Variants in CHTOP observed in about 807,000 individuals in gnomAD.
The protein encoded by CHTOP is chromatin target of PRMT1, also known as chromatin target of PRMT1 protein.
In CHTOP, 18 loss-of-function variants were observed where a neutral mutation model predicts 33.6. That is an observed-to-expected ratio of 0.54 (90% CI 0.37 to 0.80). The LOEUF is 0.80. Ranked by LOEUF, CHTOP falls within the 30% of genes least tolerant of loss-of-function variation. CHTOP has a pLI of 0.00. For missense variants in CHTOP, 263 were observed against 336.8 expected, an observed-to-expected ratio of 0.78 and a Z score of 1.71; for synonymous variants, 117 against 127.7, an observed-to-expected ratio of 0.92 and a Z score of 0.56.
rs541090488 is a variant in CHTOP at position 153,645,300 on chromosome 1, G to T, written c.*31G>T. ...GCCCATCCTCCCATGAGAGACTCTT[G>T]TTAGTCAACACATCTGTAAATAACC... On this transcript the variant is annotated 3_prime_UTR_variant, in exon 6 of 6. Coordinates refer to ENST00000368694, the MANE Select transcript of CHTOP (RefSeq NM_015607.4). 1.9e-6 allele frequency: 3 copies of T among 1,600,516 alleles called. No individual in the cohort carries two copies. The highest frequency in any genetic ancestry group is 1.7e-5 in the Admixed American group (1 of 59,726).
At chr1:153,644,971 C>T in intron 5 of CHTOP, 93 bp from the exon 6 acceptor site, 1 of 1,158,360 alleles carries the variant, frequency 8.6e-7, no homozygotes, top group South Asian at 1.5e-5. Flanking sequence ...CTTTTCTCAG[C>T]TAGGCCCCAC....
intron 3 of CHTOP, among the ~76,000 whole-genome samples, chr1:153,639,612 C>T (rs1668542875): frequency 1.3e-5 from 2 of 152,174 alleles, no homozygotes; most frequent in Non-Finnish European, 2.9e-5. Flanking sequence ...TCCTCCCTGA[C>T]TCAGGAAAGC....
chr1:153,645,082 G>A lies in CHTOP; in HGVS notation c.560G>A (p.Arg187Gln), dbSNP rs747313687. Residue 187 changes from arginine to glutamine, a missense_variant, in exon 6 of 6, where the codon CGG becomes CAG. Physicochemically the swap from Arg to Gln is conservative, Grantham distance 43. Around this residue, in one of 3 missense-constraint regions of CHTOP, gnomAD observed 168 missense variants for 179.9 expected, o/e 0.93. Transcript: ENST00000368694. ...GGGCCAGGTCGGGGTATGATAGGTCGGGGAAGAGGGGGCTTTGGAGGCCGA... is the reference window on the plus strand; with the variant it reads ...GGGCCAGGTCGGGGTATGATAGGTCAGGGAAGAGGGGGCTTTGGAGGCCGA... Reference protein sequence around the residue: ...IGGRGRGMIGRGRGGFGGRGR... With the variant: ...IGGRGRGMIGQGRGGFGGRGR... 1.7e-5 allele frequency: 27 copies of A among 1,612,590 alleles called. No individual in the cohort carries two copies. The highest frequency in any genetic ancestry group is 1.9e-5 in the Non-Finnish European group (22 of 1,179,880).
At chr1:153,642,464 T>G in intron 4 of CHTOP, 35 bp downstream of exon 4, 19 of 1,520,590 alleles carry the variant, frequency 1.2e-5, no homozygotes, top group Non-Finnish European at 1.5e-5. Context: ...TGTCGGGCCC[T>G]ACTCCCTTCC....
At chr1:153,638,076 G>C (rs1392414105) in intron 2 of CHTOP, 1 of 549,900 alleles carries the variant, frequency 1.8e-6, no homozygotes, top group East Asian at 3.2e-5. Flanking sequence ...TATCACTTTT[G>C]GTTGAATGTG....
At chr1:153,640,818 T>TA (rs1265912245) in intron 3 of CHTOP, among the ~76,000 whole-genome samples, 3 of 152,188 alleles carry the variant, frequency 2.0e-5, no homozygotes, top group Non-Finnish European at 2.9e-5. Flanking sequence ...GAGGCTGCCT[T>TA]ACACAGCACA....
At chr1:153,635,365 T>G (rs1449744662) in intron 1 of CHTOP, among the ~76,000 whole-genome samples, 12 of 151,406 alleles carry the variant, frequency 7.9e-5, no homozygotes, top group Admixed American at 7.9e-4. Context: ...TTGCCCAGGC[T>G]GGTCTCGAGC....
At chr1:153,643,522 G>A (rs975032209) in intron 5 of CHTOP, 158 bp downstream of exon 5, 3 of 727,872 alleles carry the variant, frequency 4.1e-6, no homozygotes, top group Non-Finnish European at 6.2e-6. Context: ...TACCATGCTG[G>A]TAGTGCAAAA....
chr1:153,636,270 C>T (rs1668397291), intron 1 of CHTOP, among the ~76,000 whole-genome samples: 1 of 151,804 alleles, frequency 6.6e-6, no homozygotes, highest in Non-Finnish European at 1.5e-5. Flanking sequence ...GCCATAGAAA[C>T]TTAAGAACTT....
In CHTOP at chr1:153,645,946, CT is replaced by C. The variant is rs1173302216; in HGVS notation, c.*680del. 1 of 152,358 alleles carries C rather than the reference CT, an allele frequency of 6.6e-6. No individual in the cohort carries two copies. Among genetic ancestry groups the C allele is most frequent in the Non-Finnish European group, 1.5e-5 (1 of 68,200 alleles). 9.4% of individuals were successfully genotyped at this position (152,358 alleles called of 1,614,324 possible). ...AACCAGCGTGTTGGGTTGAATTGCA[CT>C]TTCTACCTTTGTATGAGATTTACAG... On this transcript the variant is annotated 3_prime_UTR_variant, in exon 6 of 6. Transcript: ENST00000368694.
chr1:153,636,357 G>A (rs77634067), intron 1 of CHTOP, among the ~76,000 whole-genome samples: 2,378 of 150,768 alleles, frequency 0.016, 54 homozygotes, highest in South Asian at 0.052. Context: ...AGGAGATTAC[G>A]GCTGCAGTGG....
rs187395905 is a variant in CHTOP, at chr1:153,639,378, C to T, written c.219+930C>T. 4.9e-5 allele frequency: 48 copies of T among 971,416 alleles called. 1 individual carries two copies. The African/African-American group carries it at 8.4e-4, about 17-fold the overall frequency. The allele number at this position is 971,416 out of a possible 1,614,324, so 60.2% of individuals were successfully genotyped here. A position where few individuals can be genotyped will look rare whatever the true frequency, so the allele number is the denominator to read the frequency against. On this transcript the variant is annotated intron_variant, in intron 3 of 5. Transcript: ENST00000368694. The stretch of plus-strand genomic sequence containing the variant: ...CTTTATTATTCATAGAATTTATATG[C>T]AAGTCCGGACAGTGGCTGTGGAAGG...
chr1:153,635,378 C>T (rs1668329451), intron 1 of CHTOP, among the ~76,000 whole-genome samples: 1 of 151,384 alleles, frequency 6.6e-6, no homozygotes, highest in African/African-American at 2.4e-5. Flanking sequence ...TCTCGAGCTC[C>T]AGGGCTCAAG....
chr1:153,641,026 T>C (rs1668603458), intron 3 of CHTOP, among the ~76,000 whole-genome samples: 1 of 152,258 alleles, frequency 6.6e-6, no homozygotes, highest in African/African-American at 2.4e-5. Flanking sequence ...AATGCAGTTC[T>C]AACCTGATAA....
chr1:153,641,229 C>T (rs909590022), intron 3 of CHTOP, among the ~76,000 whole-genome samples: 6 of 152,208 alleles, frequency 3.9e-5, no homozygotes, highest in African/African-American at 1.2e-4. Context: ...TTGGTAGTCA[C>T]TTGTGGGTGA....
Position 153,636,652 on chromosome 1 carries a change from C to T in CHTOP, c.64C>T (p.Arg22Cys). The T allele has an allele frequency of 6.2e-7, 1 of 1,612,546 alleles. No homozygotes were observed. Among genetic ancestry groups the T allele is most frequent in the Non-Finnish European group, 8.5e-7 (1 of 1,178,696 alleles). ...CACCACCAAGATGTCTCTAAATGAG[C>T]GGTGAGGCAGCCAACAGCAACTTCA... ...KSTTKMSLNE[R>C]FTNMLKNKQP... The change falls in exon 2 of 6, where the codon CGC becomes TGC. Residue 22 changes from arginine to cysteine, a missense_variant and splice_region_variant. Physicochemically the swap from Arg to Cys is radical, Grantham distance 180 (BLOSUM62 -3). This residue lies in a region of CHTOP where 73 missense variants were observed against 108.9 expected (regional missense o/e 0.67). Coordinates refer to ENST00000368694, the MANE Select transcript of CHTOP (RefSeq NM_015607.4).
At chr1:153,640,917 G>A (rs924601853) in intron 3 of CHTOP, among the ~76,000 whole-genome samples, 6 of 152,198 alleles carry the variant, frequency 3.9e-5, no homozygotes, top group African/African-American at 1.2e-4. Context: ...TTAAGGATTG[G>A]AATGGGTAAA....
intron 5 of CHTOP, 109 bp downstream of exon 5, chr1:153,643,473 G>T (rs1668698878): frequency 8.6e-7 from 1 of 1,156,368 alleles, no homozygotes; most frequent in Non-Finnish European, 1.2e-6. Flanking sequence ...TTCTTTGTTT[G>T]TCTTGTTTTG....
At position 153,643,362 on chromosome 1, in the gene CHTOP, G is replaced by C; in HGVS notation, c.539G>C (p.Arg180Thr). The C allele has an allele frequency of 2.6e-6, 4 of 1,545,726 alleles. No individual in the cohort carries two copies. The highest frequency in any genetic ancestry group is 3.5e-6 in the Non-Finnish European group (4 of 1,150,032). Residue 180 changes from arginine (R) to threonine (T), a missense_variant and splice_region_variant, in exon 5 of 6, where the codon AGA becomes ACA. Physicochemically the swap from Arg to Thr is moderately conservative, Grantham distance 71. Around this residue, in one of 3 missense-constraint regions of CHTOP, gnomAD observed 168 missense variants for 179.9 expected, o/e 0.93. Transcript: ENST00000368694. ...GAMGRGGIGG[R>T]GRGMIGRGRG... The stretch of plus-strand genomic sequence containing the variant: ...ATGGGTCGTGGCGGAATCGGTGGTA[G>C]AGGTTAGTCAGCTACCAACTTCAGA...
Sources: gnomAD v4.1 joint callset for allele counts (sites outside exome capture counted in the v4.1 genomes callset) on GRCh38, gnomAD v4.1.1 for gene constraint, gnomAD v4.1.1 regional missense constraint, MANE v1.5 for transcripts, NCBI Gene and HGNC (gene_info 2026-07-23, HGNC 2026-07-21) for gene names.